The following EYA4 variants were observed in gnomAD, a reference collection of about 807,000 sequenced individuals.
EYA4 encodes protein phosphatase EYA4.
In EYA4, 31 loss-of-function variants were observed where a neutral mutation model predicts 87.9. The observed-to-expected ratio is 0.35, with a 90% CI of 0.27 to 0.48. The LOEUF is 0.48. Ranked by LOEUF, EYA4 falls within the 20% of genes least tolerant of loss-of-function variation. The probability of loss-of-function intolerance (pLI) is 0.99; values close to 1 mark genes in which losing one functional copy is unlikely to be tolerated. For missense variants in EYA4, 678 were observed against 761.4 expected, an observed-to-expected ratio of 0.89 and a Z score of 1.29; for synonymous variants, 263 against 270.6, an observed-to-expected ratio of 0.97 and a Z score of 0.28.
At chr6:133,356,453 C>T (rs1014946491) in intron 2 of EYA4, among the ~76,000 whole-genome samples, 2 of 152,156 alleles carry the variant, frequency 1.3e-5, no homozygotes, top group Non-Finnish European at 2.9e-5. Context: ...TCGTGCTTGA[C>T]TAGAATTCCA....
Position 133,517,141 on chromosome 6 carries a change from C to G in EYA4, c.1616+1706C>G, listed in dbSNP as rs539216664. 7.2e-5 allele frequency among the ~76,000 whole-genome samples: 11 copies of G among 152,224 alleles called. No homozygotes were observed. The South Asian group carries it at 2.3e-3, about 32-fold the overall frequency. On this transcript the variant is annotated intron_variant, in intron 17 of 19. Coordinates refer to ENST00000355286, the MANE Select transcript of EYA4 (RefSeq NM_004100.5). ...TAATTTACACTCCCACCAAATGCCG[C>G]ATGTTCTCACTTACAAGTGAGAGCT...
intron 2 of EYA4, among the ~76,000 whole-genome samples, chr6:133,375,516 A>G (rs951927776): frequency 6.6e-6 from 1 of 151,774 alleles, no homozygotes. Flanking sequence ...GAGGTATGTA[A>G]TAGGAAAGGA....
At chr6:133,309,798 C>A (rs1282128226) in intron 2 of EYA4, among the ~76,000 whole-genome samples, 1 of 152,120 alleles carries the variant, frequency 6.6e-6, no homozygotes, top group African/African-American at 2.4e-5. Context: ...CACAATTAAA[C>A]CCCATTGTAA....
chr6:133,480,562 TGAAAAA>T (rs1190171013), intron 11 of EYA4, among the ~76,000 whole-genome samples: 1 of 152,104 alleles, frequency 6.6e-6, no homozygotes, highest in Non-Finnish European at 1.5e-5. Context: ...AGACTTAGTA[TGAAAAA>T]GAAAATGTAA....
intron 2 of EYA4, among the ~76,000 whole-genome samples, chr6:133,369,101 C>T (rs894569548): frequency 1.1e-4 from 16 of 152,098 alleles, no homozygotes; most frequent in African/African-American, 3.9e-4. Flanking sequence ...GTCTGAAGAA[C>T]TTATGAAATG....
rs114315808 is a variant in EYA4, at chr6:133,371,443, C to T, written c.34-10949C>T. 2.7e-3 allele frequency among the ~76,000 whole-genome samples: 414 copies of T among 152,208 alleles called. 1 individual carries two copies. Among genetic ancestry groups the T allele is most frequent in the African/African-American group, 9.6e-3 (397 of 41,526 alleles). On this transcript the variant is annotated intron_variant, in intron 2 of 19. Transcript: ENST00000355286. Reference sequence around the variant, plus strand: ...AATGATGTTACACTACCTTATTTTGCGTTTTGTTTGTTTTCTAACCGAAAG... The same window carrying T: ...AATGATGTTACACTACCTTATTTTGTGTTTTGTTTGTTTTCTAACCGAAAG...
intron 13 of EYA4, among the ~76,000 whole-genome samples, chr6:133,486,511 C>T (rs1796697156): frequency 6.6e-6 from 1 of 152,078 alleles, no homozygotes; most frequent in African/African-American, 2.4e-5. Context: ...AATAGACATG[C>T]TTCTTGCTCT....
chr6:133,282,588 G>GTA (rs775377477), intron 2 of EYA4, among the ~76,000 whole-genome samples: 172 of 98,326 alleles, frequency 1.7e-3, no homozygotes, highest in African/African-American at 9.1e-3. Context: ...ATATGTGTGT[G>GTA]TATATATATA....
chr6:133,324,659 C>T (rs916967251), intron 2 of EYA4, among the ~76,000 whole-genome samples: 2 of 151,904 alleles, frequency 1.3e-5, no homozygotes, highest in African/African-American at 4.8e-5. Flanking sequence ...GATAGGAGAC[C>T]AATACCAGGT....
rs570089980 is a variant in EYA4 at position 133,264,737 on chromosome 6, C to T, written c.-65-9979C>T. ...GCGTCGGTCCTCATTCCGCGGCAGC[C>T]TGGTGTGGAGTTGAGATGTGCCCCC... On this transcript the variant is annotated intron_variant, in intron 1 of 19. Transcript: ENST00000355286. 4.6e-5 allele frequency among the ~76,000 whole-genome samples: 7 copies of T among 152,286 alleles called. No homozygotes were observed. The South Asian group carries it at 1.2e-3, about 27-fold the overall frequency.
At chr6:133,478,397 A>C (rs1795922581) in intron 11 of EYA4, among the ~76,000 whole-genome samples, 1 of 152,096 alleles carries the variant, frequency 6.6e-6, no homozygotes, top group African/African-American at 2.4e-5. Flanking sequence ...AAAATTGTGA[A>C]TAACCCAAAT....
intron 3 of EYA4, among the ~76,000 whole-genome samples, chr6:133,413,696 A>G (rs1789451854): frequency 6.6e-6 from 1 of 152,108 alleles, no homozygotes; most frequent in African/African-American, 2.4e-5. Context: ...TTCCATACCC[A>G]TAGCTTGAAT....
chr6:133,315,912 G>T (rs62431676), intron 2 of EYA4, among the ~76,000 whole-genome samples: 26 of 152,184 alleles, frequency 1.7e-4, no homozygotes, highest in Non-Finnish European at 3.4e-4. Flanking sequence ...AGGGGGTGAT[G>T]TAAAATCAAC....
intron 2 of EYA4, among the ~76,000 whole-genome samples, chr6:133,352,304 T>C (rs1422817852): frequency 1.3e-5 from 2 of 152,212 alleles, no homozygotes; most frequent in Non-Finnish European, 2.9e-5. Context: ...CACAATTCAT[T>C]GGCTACCATA....
chr6:133,506,287 G>C (rs1798614312), intron 14 of EYA4, 92 bp downstream of exon 14: 2 of 739,300 alleles, frequency 2.7e-6, no homozygotes, highest in East Asian at 2.7e-5. Flanking sequence ...AAAACAGAAA[G>C]ATAAAAATTC....
At chr6:133,498,865 T>A (rs1424650262) in intron 13 of EYA4, among the ~76,000 whole-genome samples, 1 of 152,322 alleles carries the variant, frequency 6.6e-6, no homozygotes, top group African/African-American at 2.4e-5. Context: ...GTGTTGAGTA[T>A]ATGTTTGAGA....
Position 133,494,154 on chromosome 6 carries a change from C to T in EYA4, c.1191+11039C>T, listed in dbSNP as rs144699209. On this transcript the variant is annotated intron_variant, in intron 13 of 19. Transcript: ENST00000355286. ...TTTATTTCAGCACTTTTCACAATAGCCAAGATTTGGAAGCTACCTAGGTGT... is the reference window on the plus strand; with the variant it reads ...TTTATTTCAGCACTTTTCACAATAGTCAAGATTTGGAAGCTACCTAGGTGT... Among the ~76,000 whole-genome samples, 13 of 152,208 alleles carry T rather than the reference C, an allele frequency of 8.5e-5. No homozygotes were observed. In the East Asian group the frequency reaches 2.5e-3, roughly 29 times the overall value.
chr6:133,482,124 T>G (rs1411703802), intron 12 of EYA4, among the ~76,000 whole-genome samples: 1 of 152,238 alleles, frequency 6.6e-6, no homozygotes, highest in Non-Finnish European at 1.5e-5. Context: ...GATATATCTG[T>G]ACTAAGCAGG....
rs1781834278 is a variant in EYA4, at chr6:133,330,411, G to A, written c.34-51981G>A. 2.0e-5 allele frequency among the ~76,000 whole-genome samples: 3 copies of A among 151,866 alleles called. No individual in the cohort carries two copies. In the South Asian group the frequency reaches 6.2e-4, roughly 31 times the overall value. On this transcript the variant is annotated intron_variant, in intron 2 of 19. Coordinates refer to ENST00000355286, the MANE Select transcript of EYA4 (RefSeq NM_004100.5). ...GCTAATTACAATGAAGTTTTTTGAA[G>A]ATTTTTTAAATGAAGCAGTACACTT...
Sources: allele counts gnomAD v4.1 joint callset (sites outside exome capture counted in the v4.1 genomes callset), GRCh38; gene constraint gnomAD v4.1.1; transcripts MANE v1.5; gene names NCBI Gene and HGNC (gene_info 2026-07-23, HGNC 2026-07-21).